PKD1L3: variants seen among roughly 807,000 people sequenced by gnomAD.
PKD1L3 encodes the protein polycystin 1 like 3, transient receptor potential channel interacting.
Under a neutral mutation model 184.1 loss-of-function variants are expected in PKD1L3, and 239 were observed. The observed-to-expected ratio is 1.30, with a 90% CI of 1.17 to 1.45. PKD1L3 has a LOEUF of 1.45. PKD1L3 is among the 40% of genes most tolerant of loss of function. The pLI is 0.00. For synonymous variants in PKD1L3, 996 were observed against 778.8 expected (o/e 1.28, Z -4.64); for missense variants, 2,660 against 2,067.2 (o/e 1.29, Z -5.56).
intron 2 of PKD1L3, among the ~76,000 whole-genome samples, chr16:71,996,355 G>A (rs751021559): frequency 3.5e-5 from 5 of 143,954 alleles, no homozygotes; most frequent in East Asian, 2.1e-4. Flanking sequence ...TCCGCCTCCC[G>A]GTTCAAGCGA....
intron 13 of PKD1L3, 41 bp from the exon 14 acceptor site, chr16:71,968,048 C>G (rs1315625554): frequency 2.0e-6 from 3 of 1,470,798 alleles, no homozygotes; most frequent in Non-Finnish European, 2.8e-6. Context: ...TAGGCCTCCA[C>G]TTGGTATAGT....
intron 9 of PKD1L3, among the ~76,000 whole-genome samples, chr16:71,979,302 G>C (rs1376241507): frequency 6.6e-6 from 1 of 152,150 alleles, no homozygotes; most frequent in Non-Finnish European, 1.5e-5. Context: ...AAATTAGCCA[G>C]GCATGGTGGC....
At chr16:71,956,190 T>TTTTA (rs2143445242) in intron 16 of PKD1L3, among the ~76,000 whole-genome samples, 1 of 136,260 alleles carries the variant, frequency 7.3e-6, no homozygotes, top group South Asian at 2.6e-4. Flanking sequence ...AGGAATTTTT[T>TTTTA]TTTTTTTTTT....
intron 3 of PKD1L3, among the ~76,000 whole-genome samples, chr16:71,991,610 G>A (rs550028038): frequency 6.6e-6 from 1 of 152,292 alleles, no homozygotes; most frequent in Non-Finnish European, 1.5e-5. Flanking sequence ...TTCATTTAAA[G>A]AGTACAGGAA....
rs1056649712 is a variant in PKD1L3, at chr16:71,951,659, T to C, written c.3095A>G (p.Asp1032Gly). Residue 1032 changes from aspartate to glycine, a missense_variant, in exon 19 of 30, where the codon GAC becomes GGC. Physicochemically the swap from Asp to Gly is moderately conservative, Grantham distance 94. Coordinates refer to ENST00000620267, the MANE Select transcript of PKD1L3 (RefSeq NM_181536.2). ...KCEQPPWSSWDITKLVKLLSS... is the reference protein window; with the variant it reads ...KCEQPPWSSWGITKLVKLLSS... ...TAAAAGTTTCACCAGCTTAGTAATG[T>C]CCCAAGAACTCCATGGCGGCTGCTC... The C allele has an allele frequency of 6.4e-7, 1 of 1,551,594 alleles. No individual in the cohort carries two copies. Among genetic ancestry groups the C allele is most frequent in the African/African-American group, 1.4e-5 (1 of 73,048 alleles).
intron 3 of PKD1L3, 127 bp from the exon 4 acceptor site, chr16:71,990,456 G>T: frequency 2.8e-6 from 2 of 708,876 alleles, no homozygotes; most frequent in Non-Finnish European, 4.5e-6. Flanking sequence ...ACCAAGGCCG[G>T]ACATGGTAGC....
At chr16:71,988,559 G>T (rs1484125423) in intron 4 of PKD1L3, among the ~76,000 whole-genome samples, 1 of 152,178 alleles carries the variant, frequency 6.6e-6, no homozygotes, top group Non-Finnish European at 1.5e-5. Context: ...GGTGACCATG[G>T]TGAGAAGGGG....
In PKD1L3 at chr16:71,986,213, A is replaced by G. The variant is rs1451912336; in HGVS notation, c.834+8T>C. The G allele has an allele frequency of 6.4e-7, 1 of 1,551,584 alleles. No individual in the cohort carries two copies. Among genetic ancestry groups the G allele is most frequent in the Non-Finnish European group, 8.7e-7 (1 of 1,146,574 alleles). On this transcript the variant is annotated splice_region_variant and intron_variant, in intron 5 of 29. Coordinates refer to ENST00000620267, the MANE Select transcript of PKD1L3 (RefSeq NM_181536.2). ...AAGCTACCTGTGACTTGAATTTCCCATGTTTACCTGACCAGATGCCTTCTG... is the reference window on the plus strand; with the variant it reads ...AAGCTACCTGTGACTTGAATTTCCCGTGTTTACCTGACCAGATGCCTTCTG...
At chr16:71,978,498 TATA>T in intron 9 of PKD1L3, 115 bp from the exon 10 acceptor site, 1 of 35,592 alleles carries the variant, frequency 2.8e-5, no homozygotes, top group Non-Finnish European at 4.8e-5. Context: ...TGTGTGTGTA[TATA>T]TATATATATA....
chr16:71,974,926 AGAT>A (rs10597344), intron 11 of PKD1L3, among the ~76,000 whole-genome samples: 115,416 of 151,724 alleles, frequency 0.76, 44,130 homozygotes, highest in South Asian at 0.86. Context: ...TTCTCCATTC[AGAT>A]TTTTCCCAAC....
chr16:71,942,523 C>A, intron 24 of PKD1L3, 37 bp downstream of exon 24: 1 of 1,495,150 alleles, frequency 6.7e-7, no homozygotes, highest in South Asian at 1.2e-5. Flanking sequence ...GCCTTCTTTG[C>A]TACGTGTGGT....
chr16:71,947,319 G>A (rs554620292), intron 22 of PKD1L3, among the ~76,000 whole-genome samples, 173 bp downstream of exon 22: 1 of 152,276 alleles, frequency 6.6e-6, no homozygotes, highest in East Asian at 1.9e-4. Context: ...AGGATGTGAT[G>A]ACTGAGGTGA....
chr16:71,957,469 A>G (rs1408448298), intron 16 of PKD1L3, among the ~76,000 whole-genome samples: 1 of 152,174 alleles, frequency 6.6e-6, no homozygotes, highest in East Asian at 1.9e-4. Flanking sequence ...TCTACAAGAG[A>G]CATAATTTAG....
chr16:71,937,626 A>G (rs551640152), intron 24 of PKD1L3, among the ~76,000 whole-genome samples: 37 of 152,288 alleles, frequency 2.4e-4, no homozygotes, highest in African/African-American at 8.7e-4. Context: ...TGGTTTTACA[A>G]AAGTCAGTAG....
chr16:71,959,538 A>G (rs1326928682), intron 16 of PKD1L3, among the ~76,000 whole-genome samples: 2 of 152,224 alleles, frequency 1.3e-5, no homozygotes, highest in African/African-American at 4.8e-5. Context: ...TTGTGCATCT[A>G]AAAACAAAAT....
rs8054175 is a variant in PKD1L3, at chr16:71,956,525, G to C, written c.2613-2224C>G. Among the ~76,000 whole-genome samples, 14 of 152,152 alleles carry C rather than the reference G, an allele frequency of 9.2e-5. No individual in the cohort carries two copies. In the East Asian group the frequency reaches 2.5e-3, roughly 27 times the overall value. Reference sequence around the variant, plus strand: ...GAAGGAAATTCTTGCACATGCTACAGCATGAATGAACCTTGAGGACATTGT... The same window carrying C: ...GAAGGAAATTCTTGCACATGCTACACCATGAATGAACCTTGAGGACATTGT... On this transcript the variant is annotated intron_variant, in intron 16 of 29. Transcript: ENST00000620267.
intron 21 of PKD1L3, among the ~76,000 whole-genome samples, chr16:71,948,334 C>A (rs373551567): frequency 6.6e-6 from 1 of 152,138 alleles, no homozygotes; most frequent in Non-Finnish European, 1.5e-5. Context: ...CCGCCTGCCT[C>A]GGCCTCCCAA....
chr16:71,967,469 G>T (rs1172734877), intron 14 of PKD1L3, among the ~76,000 whole-genome samples, 154 bp from the exon 15 acceptor site: 1 of 152,172 alleles, frequency 6.6e-6, no homozygotes, highest in African/African-American at 2.4e-5. Context: ...ATGCAGTATA[G>T]ATATATTTTT....
intron 15 of PKD1L3, among the ~76,000 whole-genome samples, chr16:71,965,292 C>T (rs2039459573): frequency 6.6e-6 from 1 of 152,168 alleles, no homozygotes; most frequent in Non-Finnish European, 1.5e-5. Context: ...ATTCAATAGA[C>T]ATTTGTGATG....
Sources: gnomAD v4.1 joint callset for allele counts (sites outside exome capture counted in the v4.1 genomes callset) on GRCh38, gnomAD v4.1.1 for gene constraint, MANE v1.5 for transcripts, NCBI Gene and HGNC (gene_info 2026-07-23, HGNC 2026-07-21) for gene names.